OPRM1: variants seen among roughly 807,000 people sequenced by gnomAD.
OPRM1 encodes opioid receptor mu 1.
A neutral mutation model predicts 31.8 loss-of-function variants in OPRM1; 27 were observed. The ratio of observed to expected loss-of-function variants is 0.85; its 90% confidence interval spans 0.63 to 1.17. The LOEUF (loss-of-function observed/expected upper bound fraction) is 1.17. OPRM1 is among the 50% of genes most tolerant of loss of function. OPRM1 has a pLI of 0.00. For missense variants in OPRM1, 536 were observed against 511.1 expected (o/e 1.05, Z -0.47); for synonymous variants, 196 against 189.9 (o/e 1.03, Z -0.26).
In OPRM1 at chr6:154,059,273, C is replaced by G. The variant is rs78640625; in HGVS notation, c.290+19439C>G. Among the ~76,000 whole-genome samples, 497 of 152,294 alleles carry G rather than the reference C, an allele frequency of 3.3e-3. 2 individuals are homozygous for G. Among genetic ancestry groups the G allele is most frequent in the African/African-American group, 0.012 (484 of 41,576 alleles). Reference sequence around the variant, plus strand: ...CCTTTTGTCTCTAGGATAACTCAATCTAGGTCTGTAATTGAGTCAGCCTTT... The same window carrying G: ...CCTTTTGTCTCTAGGATAACTCAATGTAGGTCTGTAATTGAGTCAGCCTTT... On this transcript the variant is annotated intron_variant, in intron 1 of 3. Transcript: ENST00000330432.
At chr6:154,178,331 A>G (rs1279650664) in intron 3 of OPRM1, among the ~76,000 whole-genome samples, 2 of 152,164 alleles carry the variant, frequency 1.3e-5, no homozygotes, top group African/African-American at 4.8e-5. Flanking sequence ...GATTCAATAG[A>G]TATTAAATCA....
upstream of OPRM1, among the ~76,000 whole-genome samples, chr6:154,034,558 A>G (rs1779189046): frequency 6.6e-6 from 1 of 152,022 alleles, no homozygotes; most frequent in South Asian, 2.1e-4. Context: ...AAAATAAATA[A>G]ATAAATAAAA....
downstream of OPRM1, among the ~76,000 whole-genome samples, chr6:154,136,599 G>A (rs1187805241): frequency 2.0e-5 from 3 of 152,062 alleles, no homozygotes; most frequent in Admixed American, 6.6e-5. Context: ...CAGCCCCTCC[G>A]CTTGGTTCCT....
chr6:154,181,618 C>A (rs562907597), intron 3 of OPRM1, among the ~76,000 whole-genome samples: 92 of 152,286 alleles, frequency 6.0e-4, no homozygotes, highest in African/African-American at 2.1e-3. Flanking sequence ...CAGACCAAGG[C>A]TCAGATCCCT....
chr6:154,115,856 C>T (rs1439309411), intron 3 of OPRM1, among the ~76,000 whole-genome samples: 3 of 152,216 alleles, frequency 2.0e-5, no homozygotes, highest in Admixed American at 6.5e-5. Flanking sequence ...CTAGGGCCCA[C>T]CGTCGCTAGA....
intron 3 of OPRM1, chr6:154,246,639 G>T (rs781438219): frequency 6.2e-7 from 1 of 1,614,002 alleles, no homozygotes; most frequent in Non-Finnish European, 8.5e-7. Context: ...GTATCACCCA[G>T]AACTTTTTCC....
chr6:154,195,584 G>A lies in OPRM1; in HGVS notation c.1165-51109G>A, dbSNP rs189741786. Among the ~76,000 whole-genome samples the A allele has an allele frequency of 2.5e-3, 374 of 151,922 alleles. 5 individuals carry two copies. Among genetic ancestry groups the A allele is most frequent in the Non-Finnish European group, 2.5e-3 (167 of 67,920 alleles). ...TGTCCTTTCCATCCCCTTTACCCAC[G>A]CCTCCCTTCTCCATGTACATATCTT... On this transcript the variant is annotated intron_variant, in intron 3 of 3. Coordinates refer to the OPRM1 transcript ENST00000337049.
chr6:154,245,136 C>T (rs1452938145), intron 3 of OPRM1, among the ~76,000 whole-genome samples: 1 of 152,006 alleles, frequency 6.6e-6, no homozygotes, highest in Non-Finnish European at 1.5e-5. Flanking sequence ...TTGGGTAAAA[C>T]CATACATGCT....
intron 3 of OPRM1, among the ~76,000 whole-genome samples, chr6:154,241,602 C>T (rs1780597737): frequency 6.6e-6 from 1 of 151,996 alleles, no homozygotes; most frequent in African/African-American, 2.4e-5. Flanking sequence ...TTCTTCATAC[C>T]TCACCCCTTT....
At chr6:154,160,706 C>T (rs746168709) in intron 3 of OPRM1, among the ~76,000 whole-genome samples, 9 of 152,062 alleles carry the variant, frequency 5.9e-5, no homozygotes, top group Non-Finnish European at 1.3e-4. Flanking sequence ...TTTCTATAGA[C>T]AAGGAATGGA....
chr6:154,196,644 A>G (rs1354696131), intron 3 of OPRM1, among the ~76,000 whole-genome samples: 2 of 152,236 alleles, frequency 1.3e-5, no homozygotes, highest in Non-Finnish European at 2.9e-5. Flanking sequence ...TCACACAGGC[A>G]TAAGTCATGG....
chr6:154,014,315 CTAAG>C (rs1299771479), intron 1 of OPRM1, among the ~76,000 whole-genome samples: 2 of 151,984 alleles, frequency 1.3e-5, no homozygotes, highest in Non-Finnish European at 2.9e-5. Flanking sequence ...TGATTTTACT[CTAAG>C]AAAGATAAGA....
chr6:154,201,623 G>A (rs9397181), intron 3 of OPRM1, among the ~76,000 whole-genome samples: 20,512 of 152,252 alleles, frequency 0.13, 2,340 homozygotes, highest in East Asian at 0.61. Flanking sequence ...GGCCAGGCGC[G>A]GTGGCTCATG....
At chr6:154,011,145 A>G (rs181908362) in intron 1 of OPRM1, 1 of 862,230 alleles carries the variant, frequency 1.2e-6, no homozygotes, top group African/African-American at 1.8e-5. Flanking sequence ...CCTGTGATGT[A>G]AGAGCAGGAA....
At position 154,125,472 on chromosome 6, in the gene OPRM1, T is replaced by C. The variant is rs1461274467; in HGVS notation, c.*6751T>C. Reference sequence around the variant, plus strand: ...AAAAGTATTACATTCTTAGCATAAGTATACTCATAAAGAAAAATAAGTATT... The same window carrying C: ...AAAAGTATTACATTCTTAGCATAAGCATACTCATAAAGAAAAATAAGTATT... On this transcript the variant is annotated 3_prime_UTR_variant, in exon 4 of 4. Coordinates refer to ENST00000330432, the MANE Select transcript of OPRM1 (RefSeq NM_000914.5). Among the ~76,000 whole-genome samples, 2 of 152,220 alleles carry C rather than the reference T, an allele frequency of 1.3e-5. No individual in the cohort carries two copies. Among genetic ancestry groups the C allele is most frequent in the African/African-American group, 4.8e-5 (2 of 41,456 alleles).
chr6:154,217,724 C>A (rs899529573), intron 3 of OPRM1, among the ~76,000 whole-genome samples: 2 of 152,032 alleles, frequency 1.3e-5, no homozygotes, highest in Non-Finnish European at 2.9e-5. Flanking sequence ...TTTTAAAATA[C>A]CACAATAACA....
chr6:154,169,542 A>G (rs1018110059), intron 3 of OPRM1, among the ~76,000 whole-genome samples: 11 of 152,236 alleles, frequency 7.2e-5, no homozygotes, highest in African/African-American at 1.9e-4. Flanking sequence ...AAGTTTGAGA[A>G]CTACTGCCCT....
In OPRM1 at chr6:154,059,008, A is replaced by G. The variant is rs1020648171; in HGVS notation, c.290+19174A>G. Among the ~76,000 whole-genome samples the G allele has an allele frequency of 1.6e-4, 24 of 152,302 alleles. 1 individual carries two copies. The highest frequency in any genetic ancestry group is 1.2e-3 in the Admixed American group (19 of 15,286). ...TAAGTGCTTAAAAATTGTTTTATTC[A>G]ATTGCATCAAGGAGAGGTTTTCAAA... On this transcript the variant is annotated intron_variant, in intron 1 of 3. Coordinates refer to ENST00000330432, the MANE Select transcript of OPRM1 (RefSeq NM_000914.5).
intron 3 of OPRM1, among the ~76,000 whole-genome samples, chr6:154,240,522 G>GA (rs11394579): frequency 0.36 from 53,162 of 146,420 alleles, 9,807 homozygotes; most frequent in Middle Eastern, 0.47. Context: ...TTCTTGAGCT[G>GA]AAAAAAAAAA....
Sources: allele counts gnomAD v4.1 joint callset (sites outside exome capture counted in the v4.1 genomes callset), GRCh38; gene constraint gnomAD v4.1.1; transcripts MANE v1.5; gene names NCBI Gene and HGNC (gene_info 2026-07-23, HGNC 2026-07-21).